The following NUP210 variants were observed in gnomAD, a reference collection of about 807,000 sequenced individuals.
NUP210 encodes nucleoporin 210, also known as nuclear pore membrane glycoprotein 210.
NUP210 carries 151 observed loss-of-function variants against 196.0 expected under a neutral mutation model. The observed-to-expected ratio is 0.77, with a 90% CI of 0.67 to 0.88. The LOEUF (loss-of-function observed/expected upper bound fraction) is 0.88. Ranked by LOEUF, NUP210 falls within the 40% of genes least tolerant of loss-of-function variation. NUP210 has a pLI of 0.00. For missense variants in NUP210, 2,314 were observed against 2,493.7 expected (o/e 0.93, Z 1.53); for synonymous variants, 1,070 against 1,052.7 (o/e 1.02, Z -0.32).
chr3:13,353,444 G>A (rs1294790970), intron 18 of NUP210, 110 bp downstream of exon 18: 14 of 896,374 alleles, frequency 1.6e-5, no homozygotes, highest in African/African-American at 1.5e-4. Context: ...GGGAGTGGTG[G>A]TCAAGCAGAC....
intron 33 of NUP210, among the ~76,000 whole-genome samples, chr3:13,325,266 G>A (rs1696701091): frequency 6.6e-6 from 1 of 152,202 alleles, no homozygotes; most frequent in African/African-American, 2.4e-5. Flanking sequence ...CGCCCAAACT[G>A]CAGAGCCGCA....
Position 13,365,998 on chromosome 3 carries a change from C to T in NUP210, c.1880G>A (p.Gly627Asp), listed in dbSNP as rs770384784. ...GATCTTGGCACTCAGGTGGACGTGG[C>T]CGTGTCTGTAGCTCACAAGAAGCGT... ...STTLLVSYRHGHVHLSAKITI... is the reference protein window; with the variant it reads ...STTLLVSYRHDHVHLSAKITI... The change falls in exon 14 of 40, where the codon GGC becomes GAC. Residue 627 changes from glycine (G) to aspartate (D), a missense_variant. Physicochemically the swap from Gly to Asp is moderately conservative, Grantham distance 94. Transcript: ENST00000254508. The T allele has an allele frequency of 5.6e-6, 9 of 1,614,214 alleles. No homozygotes were observed. The South Asian group carries it at 9.9e-5, about 18-fold the overall frequency.
chr3:13,364,612 T>C (rs1423563838), intron 14 of NUP210, among the ~76,000 whole-genome samples: 3 of 152,166 alleles, frequency 2.0e-5, no homozygotes, highest in African/African-American at 4.8e-5. Context: ...GAGGATCATC[T>C]GAGGTCGGGA....
intron 26 of NUP210, among the ~76,000 whole-genome samples, 173 bp downstream of exon 26, chr3:13,337,664 T>A (rs747473511): frequency 2.6e-5 from 4 of 152,174 alleles, no homozygotes; most frequent in Non-Finnish European, 5.9e-5. Context: ...CCTTCATCAG[T>A]GGCTACCAGA....
At chr3:13,341,093 G>A (rs930874392) in intron 23 of NUP210, 28 of 152,324 alleles carry the variant, frequency 1.8e-4, no homozygotes, top group Non-Finnish European at 1.5e-5. Flanking sequence ...CCCGGATGCA[G>A]GGTGGATGCT....
rs776176678 is a variant in NUP210, at chr3:13,319,882, G to A, written c.5264C>T (p.Ala1755Val). ...ITYTVGVLDP[A>V]AGSQGPLSTT... ...GGACAGAGGCCCTTGGCTGCCAGCC[G>A]CGGGGTCCAAGACGCCGACCGTGTA... Residue 1755 changes from alanine (A) to valine (V), a missense_variant, in exon 37 of 40, where the codon GCG becomes GTG. Ala to Val is a moderately conservative substitution (Grantham distance 64). Transcript: ENST00000254508. 1.9e-5 allele frequency: 30 copies of A among 1,614,064 alleles called. No homozygotes were observed. The highest frequency in any genetic ancestry group is 5.3e-5 in the African/African-American group (4 of 74,950).
At chr3:13,408,935 C>T (rs926139806) in intron 1 of NUP210, among the ~76,000 whole-genome samples, 1 of 152,188 alleles carries the variant, frequency 6.6e-6, no homozygotes, top group Admixed American at 6.5e-5. Flanking sequence ...CATGTGACCA[C>T]CTGACGGCTG....
In NUP210 at chr3:13,319,812, G is replaced by T; in HGVS notation, c.5334C>A (p.Ala1778=). Residue 1778 remains alanine, a synonymous_variant, in exon 37 of 40, where the codon GCC becomes GCA. Transcript: ENST00000254508. ...FSSPVTNQAI[A]IPVTVAFVVD... Reference sequence around the variant, plus strand: ...CCACAAAAGCCACTGTCACTGGGATGGCAATGGCTTGGTTGGTCACGGGGC... The same window carrying T: ...CCACAAAAGCCACTGTCACTGGGATTGCAATGGCTTGGTTGGTCACGGGGC... 6.2e-7 allele frequency: 1 copy of T among 1,614,246 alleles called. No homozygotes were observed. The highest frequency in any genetic ancestry group is 8.5e-7 in the Non-Finnish European group (1 of 1,180,034).
At chr3:13,404,026 C>T (rs953364926) in intron 1 of NUP210, among the ~76,000 whole-genome samples, 3 of 152,242 alleles carry the variant, frequency 2.0e-5, no homozygotes, top group Non-Finnish European at 4.4e-5. Context: ...GCAGCCCATC[C>T]CAACACCTCC....
At chr3:13,373,690 A>AG (rs754283693) in intron 12 of NUP210, 28 bp downstream of exon 12, 1 of 1,612,274 alleles carries the variant, frequency 6.2e-7, no homozygotes, top group African/African-American at 1.3e-5. Flanking sequence ...CGAGCCTCCC[A>AG]GGGGGTGTCT....
chr3:13,329,197 A>G (rs1408344500), intron 30 of NUP210, among the ~76,000 whole-genome samples: 1 of 152,218 alleles, frequency 6.6e-6, no homozygotes, highest in Non-Finnish European at 1.5e-5. Flanking sequence ...GAGTGTCCCA[A>G]TCCATGACTT....
intron 27 of NUP210, among the ~76,000 whole-genome samples, chr3:13,336,382 C>T (rs146547665): frequency 0.016 from 2,361 of 152,274 alleles, 30 homozygotes; most frequent in Non-Finnish European, 0.022. Context: ...TAGTAGTCTC[C>T]CTGGCACCTT....
At position 13,353,638 on chromosome 3, in the gene NUP210, G is replaced by T. The variant is rs374693661; in HGVS notation, c.2544C>A (p.His848Gln). The change falls in exon 18 of 40, where the codon CAC (histidine) becomes CAA (glutamine). Residue 848 changes from histidine to glutamine, a missense_variant. His to Gln is a conservative substitution (Grantham distance 24). Coordinates refer to ENST00000254508, the MANE Select transcript of NUP210 (RefSeq NM_024923.4). ...TGATGGCTGTGGTTCCTGATGCCTC[G>T]TGAACCAAAATGGCCTGCAAACCTG... ...KLHGLQAILV[H>Q]EASGTTAITA... The T allele has an allele frequency of 6.2e-7, 1 of 1,614,006 alleles. No homozygotes were observed. Among genetic ancestry groups the T allele is most frequent in the Non-Finnish European group, 8.5e-7 (1 of 1,179,940 alleles).
chr3:13,386,326 C>G lies in NUP210; in HGVS notation c.766G>C (p.Gly256Arg), dbSNP rs755572437. Residue 256 changes from glycine (G) to arginine (R), a missense_variant, in exon 6 of 40, where the codon GGA becomes CGA. Gly to Arg is a moderately radical substitution (Grantham distance 125, BLOSUM62 -2). Transcript: ENST00000254508. ...TGCACCTTGTAGTGAATGGAGGTTCCCACCATCAGGTAGACGTCATAGGCC... is the reference window on the plus strand; with the variant it reads ...TGCACCTTGTAGTGAATGGAGGTTCGCACCATCAGGTAGACGTCATAGGCC... ...NPAYDVYLMV[G>R]TSIHYKVQKI... 2 of 1,614,100 alleles carry G rather than the reference C, an allele frequency of 1.2e-6. No homozygotes were observed. Among genetic ancestry groups the G allele is most frequent in the Non-Finnish European group, 1.7e-6 (2 of 1,180,014 alleles).
intron 5 of NUP210, 51 bp downstream of exon 5, chr3:13,388,252 G>C (rs1344819348): frequency 6.7e-7 from 1 of 1,492,946 alleles, no homozygotes; most frequent in South Asian, 1.3e-5. Flanking sequence ...GGTACCGTCA[G>C]CCTGATTCCA....
At chr3:13,333,565 T>G (rs1395989310) in intron 28 of NUP210, among the ~76,000 whole-genome samples, 3 of 152,264 alleles carry the variant, frequency 2.0e-5, no homozygotes, top group African/African-American at 7.2e-5. Context: ...ACAACTAACG[T>G]CCTCTCCATG....
intron 10 of NUP210, 55 bp downstream of exon 10, chr3:13,376,236 C>T (rs1052995342): frequency 1.9e-6 from 3 of 1,599,384 alleles, no homozygotes; most frequent in African/African-American, 1.3e-5. Flanking sequence ...ACATTTCTGC[C>T]TACAGAGGGT....
At chr3:13,361,769 C>G (rs1576383499) in intron 14 of NUP210, among the ~76,000 whole-genome samples, 1 of 152,258 alleles carries the variant, frequency 6.6e-6, no homozygotes, top group African/African-American at 2.4e-5. Flanking sequence ...TTCCACGCAC[C>G]CACGGCCCTT....
At chr3:13,410,857 G>A (rs554214594) in intron 1 of NUP210, among the ~76,000 whole-genome samples, 1 of 148,756 alleles carries the variant, frequency 6.7e-6, no homozygotes, top group Admixed American at 6.8e-5. Flanking sequence ...GGCGGAGCTG[G>A]CAGTGAGCTG....
Sources: allele counts gnomAD v4.1 joint callset (sites outside exome capture counted in the v4.1 genomes callset), GRCh38; gene constraint gnomAD v4.1.1; transcripts MANE v1.5; gene names NCBI Gene and HGNC (gene_info 2026-07-23, HGNC 2026-07-21).